The following SYT17 variants were observed in gnomAD, a reference collection of about 807,000 sequenced individuals.
The protein encoded by SYT17 is synaptotagmin-17.
SYT17 carries 22 observed loss-of-function variants against 46.7 expected under a neutral mutation model. The ratio of observed to expected loss-of-function variants is 0.47; its 90% confidence interval spans 0.34 to 0.67. The LOEUF (loss-of-function observed/expected upper bound fraction) is 0.67, where lower values mean the gene tolerates loss of function less well. Among genes scored for constraint, SYT17 ranks in the 30% least tolerant of loss-of-function variants. The pLI, the probability that SYT17 is intolerant of heterozygous loss-of-function variation, is 0.01. For missense variants in SYT17, 519 were observed against 612.8 expected, an observed-to-expected ratio of 0.85 and a Z score of 1.62; for synonymous variants, 251 against 248.4, an observed-to-expected ratio of 1.01 and a Z score of -0.10.
intron 3 of SYT17, among the ~76,000 whole-genome samples, chr16:19,178,995 G>A (rs902958044): frequency 2.6e-5 from 4 of 151,768 alleles, no homozygotes; most frequent in East Asian, 1.9e-4. Context: ...CCAGGAGTTC[G>A]AGTCCAGCCT....
At chr16:19,237,872 A>G (rs1966870203) in intron 7 of SYT17, among the ~76,000 whole-genome samples, 1 of 152,212 alleles carries the variant, frequency 6.6e-6, no homozygotes, top group Admixed American at 6.5e-5. Context: ...TCACCCCACT[A>G]TGGCCAGAGC....
At chr16:19,247,862 A>G (rs1239368735) in intron 7 of SYT17, among the ~76,000 whole-genome samples, 1 of 152,230 alleles carries the variant, frequency 6.6e-6, no homozygotes, top group Non-Finnish European at 1.5e-5. Flanking sequence ...CAATGAGTGA[A>G]AAAGTGATAA....
At chr16:19,184,284 G>T in intron 5 of SYT17, 137 bp downstream of exon 5, 1 of 1,233,500 alleles carries the variant, frequency 8.1e-7, no homozygotes, top group Non-Finnish European at 1.1e-6. Context: ...CTCACAAGAG[G>T]TTGCAAAAAT....
In SYT17 at chr16:19,229,615, T is replaced by C. The variant is rs372551987; in HGVS notation, c.1228+4777T>C. Reference sequence around the variant, plus strand: ...GGTGGGGACACAGAGGCAAACCATATCAGAAAGGCAGAAAAAAGAAATGCA... The same window carrying C: ...GGTGGGGACACAGAGGCAAACCATACCAGAAAGGCAGAAAAAAGAAATGCA... On this transcript the variant is annotated intron_variant, in intron 7 of 7. Coordinates refer to ENST00000355377, the MANE Select transcript of SYT17 (RefSeq NM_016524.4). 9.2e-5 allele frequency among the ~76,000 whole-genome samples: 14 copies of C among 152,150 alleles called. No homozygotes were observed. The East Asian group carries it at 2.7e-3, about 29-fold the overall frequency.
intron 5 of SYT17, among the ~76,000 whole-genome samples, chr16:19,191,188 C>T (rs1965004581): frequency 6.6e-6 from 1 of 151,100 alleles, no homozygotes; most frequent in African/African-American, 2.4e-5. Context: ...AAAAAAAAAA[C>T]CCACCATAAA....
intron 7 of SYT17, among the ~76,000 whole-genome samples, chr16:19,227,587 G>T (rs904332867): frequency 2.0e-5 from 3 of 152,162 alleles, no homozygotes; most frequent in Non-Finnish European, 4.4e-5. Flanking sequence ...AAAGTGCTGG[G>T]ATTACAGGCA....
intron 3 of SYT17, among the ~76,000 whole-genome samples, chr16:19,178,675 G>C (rs1379284275): frequency 6.6e-6 from 1 of 152,128 alleles, no homozygotes; most frequent in African/African-American, 2.4e-5. Flanking sequence ...TTCAAAACTT[G>C]CATTTTTCAA....
chr16:19,168,372 C>A lies in SYT17; in HGVS notation c.-275C>A. 2 of 537,496 alleles carry A rather than the reference C, an allele frequency of 3.7e-6. No homozygotes were observed. Among genetic ancestry groups the A allele is most frequent in the Non-Finnish European group, 6.5e-6 (2 of 305,842 alleles). The allele number at this position is 537,496 out of a possible 1,614,324, so 33.3% of individuals were successfully genotyped here. On this transcript the variant is annotated 5_prime_UTR_variant, in exon 1 of 8. Coordinates refer to ENST00000355377, the MANE Select transcript of SYT17 (RefSeq NM_016524.4). The surrounding 1 kb of genome is among the most constrained non-coding windows in gnomAD (Gnocchi z 6.9). ...GAGCGCCTCGGTGGGGAGCACGGGA[C>A]AGCGAGGGAGGCCGAGGCGGGGGCC...
intron 7 of SYT17, among the ~76,000 whole-genome samples, chr16:19,229,553 C>T (rs530089647): frequency 2.6e-5 from 4 of 152,206 alleles, no homozygotes; most frequent in Admixed American, 1.3e-4. Flanking sequence ...CAGGCCCCAC[C>T]TCCAACATTA....
Position 19,267,192 on chromosome 16 carries a change from C to T in SYT17, c.*116C>T, listed in dbSNP as rs553579604. On this transcript the variant is annotated 3_prime_UTR_variant, in exon 8 of 8. Transcript: ENST00000355377. ...TACACACTCGCAACATGTCTACACA[C>T]GTCCACACACACAGACACACAGATA... 492 of 879,780 alleles carry T rather than the reference C, an allele frequency of 5.6e-4. 10 individuals carry two copies. In the South Asian group the frequency reaches 6.2e-3, roughly 11 times the overall value. The allele number at this position is 879,780 out of a possible 1,614,324, so 54.5% of individuals were successfully genotyped here.
At chr16:19,176,149 CTCTT>C (rs1964305264) in intron 3 of SYT17, among the ~76,000 whole-genome samples, 2 of 152,230 alleles carry the variant, frequency 1.3e-5, no homozygotes, top group South Asian at 2.1e-4. Context: ...TTCTCTCTCT[CTCTT>C]TCTTTCTCTG....
intron 7 of SYT17, among the ~76,000 whole-genome samples, chr16:19,241,009 G>A (rs1197154029): frequency 6.1e-5 from 9 of 147,172 alleles, no homozygotes; most frequent in African/African-American, 1.8e-4. Flanking sequence ...GTGCAGTGGC[G>A]GGATCTCGGC....
At chr16:19,223,617 C>T (rs1596978492) in intron 6 of SYT17, among the ~76,000 whole-genome samples, 1 of 152,304 alleles carries the variant, frequency 6.6e-6, no homozygotes. Flanking sequence ...TTTAATGGAA[C>T]GGAACAGATT....
intron 7 of SYT17, among the ~76,000 whole-genome samples, chr16:19,243,690 T>C (rs11074375): frequency 0.55 from 83,472 of 151,122 alleles, 24,006 homozygotes; most frequent in East Asian, 0.98. Flanking sequence ...TGGTGACTCA[T>C]GCCTGTAATC....
chr16:19,186,739 G>T (rs911116323), intron 5 of SYT17, among the ~76,000 whole-genome samples: 1 of 152,150 alleles, frequency 6.6e-6, no homozygotes, highest in Non-Finnish European at 1.5e-5. Flanking sequence ...ATAGTTTTTG[G>T]AAGCGTCATC....
intron 3 of SYT17, among the ~76,000 whole-genome samples, chr16:19,174,023 A>G (rs181695286): frequency 3.3e-5 from 5 of 152,320 alleles, no homozygotes; most frequent in Admixed American, 2.6e-4. Context: ...TAAAAGCTCG[A>G]TAAATATCCA....
intron 7 of SYT17, among the ~76,000 whole-genome samples, chr16:19,256,437 A>AACACACACACAC (rs57120408): frequency 0.014 from 1,810 of 128,976 alleles, 55 homozygotes; most frequent in East Asian, 0.066. Context: ...CCCCTCTTCA[A>AACACACACACAC]ACACACACAC....
intron 5 of SYT17, among the ~76,000 whole-genome samples, chr16:19,214,608 C>T (rs113596896): frequency 3.3e-5 from 5 of 152,086 alleles, no homozygotes; most frequent in African/African-American, 9.6e-5. Flanking sequence ...TTGTTAGAGC[C>T]GACATTTATG....
At chr16:19,250,724 CT>C (rs34274392) in intron 7 of SYT17, among the ~76,000 whole-genome samples, 72,898 of 151,548 alleles carry the variant, frequency 0.48, 17,827 homozygotes, top group East Asian at 0.61. Context: ...CCCATTAGTT[CT>C]TTTTTTAAGG....
Sources: gnomAD v4.1 joint callset for allele counts (sites outside exome capture counted in the v4.1 genomes callset) on GRCh38, gnomAD v4.1.1 for gene constraint, Gnocchi (gnomAD v3.1) non-coding constraint, MANE v1.5 for transcripts, NCBI Gene and HGNC (gene_info 2026-07-23, HGNC 2026-07-21) for gene names.